Variants in ZNF521 observed in about 807,000 individuals in gnomAD.
ZNF521 encodes the protein zinc finger protein 521.
Under a neutral mutation model 105.5 loss-of-function variants are expected in ZNF521, and 14 were observed. The ratio of observed to expected loss-of-function variants is 0.13; its 90% CI spans 0.09 to 0.21. The LOEUF (loss-of-function observed/expected upper bound fraction) is 0.21. Ranked by LOEUF, ZNF521 falls within the 10% of genes least tolerant of loss-of-function variation. ZNF521 has a pLI of 1.00. For synonymous variants in ZNF521, 635 were observed against 606.0 expected (o/e 1.05, Z -0.70); for missense variants, 1,233 against 1,629.7 (o/e 0.76, Z 4.19).
intron 4 of ZNF521, among the ~76,000 whole-genome samples, chr18:25,212,565 A>ATATATGTGTGTG (rs1227568202): frequency 1.8e-5 from 2 of 112,870 alleles, no homozygotes; most frequent in African/African-American, 7.2e-5. Context: ...ATATATATAT[A>ATATATGTGTGTG]TGTATAGAAA....
At chr18:25,144,400 AT>A (rs1261987639) in intron 5 of ZNF521, among the ~76,000 whole-genome samples, 2 of 152,222 alleles carry the variant, frequency 1.3e-5, no homozygotes, top group African/African-American at 4.8e-5. Flanking sequence ...AGGGAACTTC[AT>A]TAGTAAGCCC....
chr18:25,330,955 T>G (rs937401027), intron 2 of ZNF521, among the ~76,000 whole-genome samples: 1 of 152,228 alleles, frequency 6.6e-6, no homozygotes, highest in Non-Finnish European at 1.5e-5. Context: ...AAAAGTACCC[T>G]GCTGAAGCTT....
At chr18:25,269,874 A>G (rs1909529516) in intron 3 of ZNF521, among the ~76,000 whole-genome samples, 1 of 152,200 alleles carries the variant, frequency 6.6e-6, no homozygotes, top group African/African-American at 2.4e-5. Flanking sequence ...CATCACAATT[A>G]AAAGATGTAG....
At chr18:25,253,884 C>T (rs1908289659) in intron 3 of ZNF521, among the ~76,000 whole-genome samples, 1 of 152,098 alleles carries the variant, frequency 6.6e-6, no homozygotes, top group Admixed American at 6.6e-5. Flanking sequence ...TATTTGCAAG[C>T]ACCTTACACT....
chr18:25,129,269 ATTATT>A (rs1567974795), intron 5 of ZNF521, among the ~76,000 whole-genome samples: 7 of 82,796 alleles, frequency 8.5e-5, no homozygotes, highest in East Asian at 3.5e-4. Context: ...AATAATAATT[ATTATT>A]ATTATTATTA....
chr18:25,243,038 A>T (rs1750598609), intron 3 of ZNF521, among the ~76,000 whole-genome samples: 1 of 152,146 alleles, frequency 6.6e-6, no homozygotes, highest in African/African-American at 2.4e-5. Context: ...CTGACTCCCA[A>T]CTTCTATTCC....
intron 3 of ZNF521, among the ~76,000 whole-genome samples, chr18:25,317,846 G>T (rs9951339): frequency 2.0e-5 from 3 of 152,098 alleles, no homozygotes; most frequent in Non-Finnish European, 4.4e-5. Context: ...TAGCAAGTAC[G>T]TACGACAACC....
intron 3 of ZNF521, among the ~76,000 whole-genome samples, chr18:25,259,155 A>G (rs1373993214): frequency 6.6e-6 from 1 of 152,160 alleles, no homozygotes; most frequent in Non-Finnish European, 1.5e-5. Context: ...GTTTACACCA[A>G]AAAGAGAAAG....
intron 5 of ZNF521, among the ~76,000 whole-genome samples, chr18:25,142,482 A>G (rs1236982680): frequency 6.6e-6 from 1 of 152,170 alleles, no homozygotes; most frequent in East Asian, 1.9e-4. Context: ...AATGACAGCT[A>G]ATTAACACAC....
intron 3 of ZNF521, among the ~76,000 whole-genome samples, chr18:25,295,183 C>T (rs1290597071): frequency 6.6e-6 from 1 of 152,124 alleles, no homozygotes; most frequent in African/African-American, 2.4e-5. Flanking sequence ...ATTGTTATCA[C>T]ACCTATGTAT....
In ZNF521 at chr18:25,092,004, C is replaced by G. The variant is rs370039822; in HGVS notation, c.3736G>C (p.Glu1246Gln). ...CCTCCCATCCCTTCGAAGCTGTGCT[C>G]TATCAGGTGGCACTGGAGTTTGGCA... ...SPAKLQCHLI[E>Q]HSFEGMGGTF... Residue 1246 changes from glutamate to glutamine, a missense_variant, in exon 6 of 8, where the codon GAG (glutamate) becomes CAG (glutamine). Glu to Gln is a conservative substitution (Grantham distance 29). This residue lies in a region of ZNF521 where 76 missense variants were observed against 137.2 expected (regional missense o/e 0.55). Coordinates refer to ENST00000361524, the MANE Select transcript of ZNF521 (RefSeq NM_015461.3). 1.2e-6 allele frequency: 2 copies of G among 1,614,018 alleles called. No individual in the cohort carries two copies. The highest frequency in any genetic ancestry group is 4.5e-5 in the East Asian group (2 of 44,862).
intron 4 of ZNF521, among the ~76,000 whole-genome samples, chr18:25,206,713 G>T (rs1046693634): frequency 6.6e-6 from 1 of 151,926 alleles, no homozygotes; most frequent in Non-Finnish European, 1.5e-5. Flanking sequence ...CTTATTCTGG[G>T]TTTGCATTTT....
rs570190363 is a variant in ZNF521, at chr18:25,258,955, C to T, written c.221-31258G>A. 3.3e-5 allele frequency among the ~76,000 whole-genome samples: 5 copies of T among 152,248 alleles called. No homozygotes were observed. The East Asian group carries it at 7.7e-4, about 24-fold the overall frequency. On this transcript the variant is annotated intron_variant, in intron 3 of 7. Transcript: ENST00000361524. ...AATGTGCCAGGCACCCTGCTACATG[C>T]TTGATATGTGTCATGTCATTTACAC... is the stretch of plus-strand genomic sequence containing the variant.
intron 5 of ZNF521, among the ~76,000 whole-genome samples, chr18:25,104,062 C>A (rs1322956207): frequency 1.3e-5 from 2 of 152,074 alleles, no homozygotes; most frequent in Non-Finnish European, 2.9e-5. Context: ...AGTGCTCTTT[C>A]TCCGATGATA....
intron 5 of ZNF521, among the ~76,000 whole-genome samples, chr18:25,114,130 C>T (rs1313322924): frequency 1.3e-5 from 2 of 152,076 alleles, no homozygotes; most frequent in African/African-American, 4.8e-5. Flanking sequence ...CTCCCTCCTC[C>T]CAATTTCAGG....
intron 7 of ZNF521, among the ~76,000 whole-genome samples, chr18:25,075,355 T>C (rs1026047899): frequency 2.0e-5 from 3 of 151,800 alleles, no homozygotes; most frequent in Non-Finnish European, 2.9e-5. Context: ...TCCCAGAGAG[T>C]TGTTAGCTCA....
At chr18:25,288,510 C>G (rs1910829043) in intron 3 of ZNF521, among the ~76,000 whole-genome samples, 1 of 148,726 alleles carries the variant, frequency 6.7e-6, no homozygotes, top group South Asian at 2.1e-4. Flanking sequence ...CTCTTTTCCT[C>G]TTTTCTCTCC....
intron 5 of ZNF521, among the ~76,000 whole-genome samples, chr18:25,165,258 C>T (rs2035318452): frequency 6.6e-6 from 1 of 152,304 alleles, no homozygotes; most frequent in South Asian, 2.1e-4. Flanking sequence ...CTGGGTTGAG[C>T]ATGCCCATAA....
rs111597505 is a variant in ZNF521, at chr18:25,113,848, T to A, written c.3659-21767A>T. Among the ~76,000 whole-genome samples the A allele has an allele frequency of 3.3e-4, 50 of 149,934 alleles. No homozygotes were observed. The East Asian group carries it at 3.7e-3, about 11-fold the overall frequency. ...GAAATCTTCTAGCCCCAGGCTGACA[T>A]ACTCACTCTATCACTGGACAGTTTG... is the stretch of plus-strand genomic sequence containing the variant. On this transcript the variant is annotated intron_variant, in intron 5 of 7. Transcript: ENST00000361524.
Sources: allele counts gnomAD v4.1 joint callset (sites outside exome capture counted in the v4.1 genomes callset), GRCh38; gene constraint gnomAD v4.1.1; regional missense constraint gnomAD v4.1.1; transcripts MANE v1.5; gene names NCBI Gene and HGNC (gene_info 2026-07-23, HGNC 2026-07-21).